PRMT3: variants seen among roughly 807,000 people sequenced by gnomAD.
PRMT3 encodes the protein protein arginine methyltransferase 3, also known as protein arginine N-methyltransferase 3.
Under a neutral mutation model 71.9 loss-of-function variants are expected in PRMT3, and 62 were observed. The ratio of observed to expected loss-of-function variants is 0.86; its 90% CI spans 0.70 to 1.07. The LOEUF is 1.07. PRMT3 is among the 50% of genes least tolerant of loss of function. The pLI is 0.00. For missense variants in PRMT3, 663 were observed against 643.0 expected, an observed-to-expected ratio of 1.03 and a Z score of -0.34; for synonymous variants, 213 against 220.4, an observed-to-expected ratio of 0.97 and a Z score of 0.30.
intron 13 of PRMT3, among the ~76,000 whole-genome samples, chr11:20,472,658 C>T (rs6483692): frequency 0.9 from 135,506 of 149,746 alleles, 61,028 homozygotes; most frequent in African/African-American, 0.97. Context: ...ATCAAGGATA[C>T]TGGCCTGAAG....
At chr11:20,416,239 A>G (rs1480845672) in intron 9 of PRMT3, among the ~76,000 whole-genome samples, 1 of 152,158 alleles carries the variant, frequency 6.6e-6, no homozygotes, top group Non-Finnish European at 1.5e-5. Flanking sequence ...TCTATTTTAA[A>G]TAAAGAGGAA....
At chr11:20,395,576 C>A (rs905639733) in intron 5 of PRMT3, among the ~76,000 whole-genome samples, 9 of 151,664 alleles carry the variant, frequency 5.9e-5, no homozygotes, top group African/African-American at 2.2e-4. Flanking sequence ...TGGTCTTGAA[C>A]TGTTGGCCTC....
At chr11:20,504,000 T>C (rs1051308059) in intron 15 of PRMT3, among the ~76,000 whole-genome samples, 3 of 152,238 alleles carry the variant, frequency 2.0e-5, no homozygotes, top group Non-Finnish European at 4.4e-5. Context: ...ATAAAAAAGA[T>C]GCAGTATTTT....
At chr11:20,399,058 T>C (rs900785336) in intron 7 of PRMT3, among the ~76,000 whole-genome samples, 2 of 152,222 alleles carry the variant, frequency 1.3e-5, no homozygotes, top group Non-Finnish European at 2.9e-5. Context: ...TTCAGTGAAA[T>C]TGAGAATATC....
chr11:20,450,716 T>C (rs960433808), intron 10 of PRMT3, among the ~76,000 whole-genome samples: 2 of 152,176 alleles, frequency 1.3e-5, no homozygotes. Flanking sequence ...TTATAAGTGA[T>C]TCAAGCATGA....
intron 11 of PRMT3, among the ~76,000 whole-genome samples, chr11:20,460,130 G>A (rs1173322923): frequency 1.3e-5 from 2 of 152,166 alleles, no homozygotes; most frequent in African/African-American, 4.8e-5. Flanking sequence ...GAATAATTTA[G>A]TGCTGCTGTC....
intron 10 of PRMT3, among the ~76,000 whole-genome samples, chr11:20,449,922 T>G (rs922490816): frequency 1.1e-4 from 17 of 152,008 alleles, no homozygotes; most frequent in Non-Finnish European, 2.5e-4. Context: ...GATATTTTAG[T>G]AAGGAGACAA....
chr11:20,468,454 C>T (rs185184501), intron 13 of PRMT3, among the ~76,000 whole-genome samples: 2 of 152,260 alleles, frequency 1.3e-5, no homozygotes, highest in South Asian at 2.1e-4. Flanking sequence ...CTGCAACCTC[C>T]GCCTTCCAGG....
intron 15 of PRMT3, among the ~76,000 whole-genome samples, chr11:20,496,404 T>TCTCTTG (rs1942602621): frequency 6.6e-6 from 1 of 152,128 alleles, no homozygotes; most frequent in South Asian, 2.1e-4. Context: ...GGCGACATAG[T>TCTCTTG]GAGACCCTGT....
chr11:20,425,804 A>G (rs1849532977), intron 9 of PRMT3, among the ~76,000 whole-genome samples: 1 of 152,188 alleles, frequency 6.6e-6, no homozygotes, highest in African/African-American at 2.4e-5. Context: ...TGTTCTATAT[A>G]TTGATTGTGG....
At chr11:20,418,757 C>A (rs547501958) in intron 9 of PRMT3, among the ~76,000 whole-genome samples, 1 of 151,224 alleles carries the variant, frequency 6.6e-6, no homozygotes, top group African/African-American at 2.4e-5. Context: ...ATTAAATACC[C>A]TTTTGAAAAA....
At chr11:20,481,238 G>T (rs1295531036) in intron 13 of PRMT3, among the ~76,000 whole-genome samples, 1 of 145,134 alleles carries the variant, frequency 6.9e-6, no homozygotes, top group Non-Finnish European at 1.5e-5. Context: ...TATAATTTAC[G>T]CAAATTAACT....
intron 13 of PRMT3, among the ~76,000 whole-genome samples, chr11:20,489,619 T>A (rs945150613): frequency 6.6e-6 from 1 of 152,188 alleles, no homozygotes; most frequent in Non-Finnish European, 1.5e-5. Context: ...AATAGTGGCA[T>A]GTTTATATTT....
chr11:20,508,506 GAT>G lies in PRMT3; in HGVS notation c.*94_*95del, dbSNP rs1467129180. ...CTGGTTTTATGTGAGCAGATGGATG[GAT>G]GATGGACCCTTTCCTAATGAGCCTC... On this transcript the variant is annotated 3_prime_UTR_variant, in exon 16 of 16. Coordinates refer to ENST00000331079, the MANE Select transcript of PRMT3 (RefSeq NM_005788.4). The G allele has an allele frequency of 1.2e-6, 1 of 842,552 alleles. No homozygotes were observed. Among genetic ancestry groups the G allele is most frequent in the African/African-American group, 1.7e-5 (1 of 60,040 alleles). 52.2% of individuals were successfully genotyped at this position (842,552 alleles called of 1,614,324 possible).
chr11:20,470,429 C>T (rs1244450154), intron 13 of PRMT3, among the ~76,000 whole-genome samples: 1 of 152,106 alleles, frequency 6.6e-6, no homozygotes, highest in Admixed American at 6.6e-5. Context: ...GTTGCCTCCC[C>T]AGGTATCCAT....
At chr11:20,396,026 A>G in intron 6 of PRMT3, 64 bp downstream of exon 6, 2 of 1,460,540 alleles carry the variant, frequency 1.4e-6, no homozygotes, top group Non-Finnish European at 1.9e-6. Context: ...CCTAATGGCA[A>G]AGTAGAATAT....
intron 13 of PRMT3, among the ~76,000 whole-genome samples, chr11:20,478,437 C>A (rs1474557116): frequency 3.3e-5 from 5 of 150,830 alleles, no homozygotes; most frequent in Non-Finnish European, 5.9e-5. Flanking sequence ...CAATTCAGTT[C>A]TTTGATGATC....
chr11:20,497,280 G>GT (rs1837383321), intron 15 of PRMT3, among the ~76,000 whole-genome samples: 1 of 152,080 alleles, frequency 6.6e-6, no homozygotes, highest in Non-Finnish European at 1.5e-5. Flanking sequence ...TTGCTCTTAG[G>GT]TATTTATAGA....
At chr11:20,475,966 G>A (rs138256746) in intron 13 of PRMT3, among the ~76,000 whole-genome samples, 2,115 of 151,660 alleles carry the variant, frequency 0.014, 65 homozygotes, top group African/African-American at 0.048. Context: ...ATGAGCCACC[G>A]CCTTTTAAAT....
Sources: gnomAD v4.1 joint callset for allele counts (sites outside exome capture counted in the v4.1 genomes callset) on GRCh38, gnomAD v4.1.1 for gene constraint, MANE v1.5 for transcripts, NCBI Gene and HGNC (gene_info 2026-07-23, HGNC 2026-07-21) for gene names.